The following RASAL2 variants were observed in gnomAD, a reference collection of about 807,000 sequenced individuals.
RASAL2 encodes the protein RAS protein activator like 2, also known as ras GTPase-activating protein nGAP.
A neutral mutation model predicts 128.9 loss-of-function variants in RASAL2; 58 were observed. The observed-to-expected ratio is 0.45, with a 90% confidence interval of 0.36 to 0.56. The LOEUF (loss-of-function observed/expected upper bound fraction) is 0.56, where lower values mean the gene tolerates loss of function less well. Ranked by LOEUF, RASAL2 falls within the 20% of genes least tolerant of loss-of-function variation. The pLI, the probability that RASAL2 is intolerant of heterozygous loss-of-function variation, is 0.00. For synonymous variants in RASAL2, 561 were observed against 580.8 expected, an observed-to-expected ratio of 0.97 and a Z score of 0.49; for missense variants, 1,360 against 1,601.6, an observed-to-expected ratio of 0.85 and a Z score of 2.57.
chr1:178,190,799 A>G lies in RASAL2; in HGVS notation c.203-92765A>G, dbSNP rs564393296. 1.6e-4 allele frequency among the ~76,000 whole-genome samples: 25 copies of G among 151,920 alleles called. No individual in the cohort carries two copies. In the East Asian group the frequency reaches 4.6e-3, roughly 28 times the overall value. On this transcript the variant is annotated intron_variant, in intron 1 of 17. Coordinates refer to ENST00000367649, the MANE Select transcript of RASAL2 (RefSeq NM_170692.4). The stretch of plus-strand genomic sequence containing the variant: ...ACAGTCACTGTGAGTTGTCCATTTT[A>G]GAGCATAGGTTTTTAGGTGGTGAAG...
chr1:178,230,802 A>G (rs1268246768), intron 1 of RASAL2, among the ~76,000 whole-genome samples: 1 of 152,142 alleles, frequency 6.6e-6, no homozygotes, highest in African/African-American at 2.4e-5. Context: ...TCATGGACTT[A>G]GGGTTTTATA....
At chr1:178,159,058 A>G (rs1661183479) in intron 1 of RASAL2, among the ~76,000 whole-genome samples, 1 of 152,232 alleles carries the variant, frequency 6.6e-6, no homozygotes, top group Admixed American at 6.5e-5. Context: ...CCAATAAAGT[A>G]AAATATAACT....
chr1:178,322,543 A>G (rs910929739), intron 3 of RASAL2, among the ~76,000 whole-genome samples: 1 of 152,126 alleles, frequency 6.6e-6, no homozygotes, highest in African/African-American at 2.4e-5. Flanking sequence ...TCCCTCCCCA[A>G]CAACCTGTTC....
At chr1:178,302,376 CAAAA>C (rs1020189126) in intron 3 of RASAL2, among the ~76,000 whole-genome samples, 2 of 151,288 alleles carry the variant, frequency 1.3e-5, no homozygotes, top group Admixed American at 1.3e-4. Context: ...AAACAGGAAA[CAAAA>C]AAAATTAAAT....
In RASAL2 at chr1:178,430,778, A is replaced by T. The variant is rs142108501; in HGVS notation, c.675-8644A>T. On this transcript the variant is annotated intron_variant, in intron 5 of 17. Transcript: ENST00000367649. The stretch of plus-strand genomic sequence containing the variant: ...CATGGCTAATAAGTGGTTCTAGCTG[A>T]TGTGAATATGTAGGGCTTTTGGCTT... Among the ~76,000 whole-genome samples, 74 of 152,158 alleles carry T rather than the reference A, an allele frequency of 4.9e-4. 1 individual carries two copies. The Middle Eastern group carries it at 0.017, about 35-fold the overall frequency.
At chr1:178,149,614 A>T (rs1660842871) in intron 1 of RASAL2, among the ~76,000 whole-genome samples, 1 of 151,856 alleles carries the variant, frequency 6.6e-6, no homozygotes, top group Admixed American at 6.6e-5. Flanking sequence ...CAGAGTCCAC[A>T]TCTTCTTTGT....
chr1:178,348,488 G>A (rs567663657), intron 3 of RASAL2, among the ~76,000 whole-genome samples: 93 of 152,004 alleles, frequency 6.1e-4, no homozygotes, highest in Non-Finnish European at 1.1e-3. Flanking sequence ...TTGTAAAGAT[G>A]GGGTCTTGCT....
chr1:178,232,195 C>G (rs1664038399), intron 1 of RASAL2, among the ~76,000 whole-genome samples: 1 of 152,196 alleles, frequency 6.6e-6, no homozygotes. Context: ...CCATTTGAAA[C>G]CCCTATTTTC....
At chr1:178,393,278 A>G (rs1047456472) in intron 4 of RASAL2, among the ~76,000 whole-genome samples, 2 of 152,132 alleles carry the variant, frequency 1.3e-5, no homozygotes, top group African/African-American at 2.4e-5. Context: ...TAATTATGCA[A>G]CTCACCATAA....
intron 3 of RASAL2, among the ~76,000 whole-genome samples, chr1:178,310,700 G>A (rs1346138574): frequency 6.6e-6 from 1 of 152,138 alleles, no homozygotes; most frequent in Non-Finnish European, 1.5e-5. Flanking sequence ...TTTTAGCACA[G>A]TGGAGATTTG....
intron 1 of RASAL2, among the ~76,000 whole-genome samples, chr1:178,169,641 T>C (rs1661637735): frequency 1.3e-5 from 2 of 152,024 alleles, no homozygotes; most frequent in Non-Finnish European, 2.9e-5. Flanking sequence ...TTCACAGTTT[T>C]CAAGTTTGTA....
chr1:178,331,785 C>T (rs1012351249), intron 3 of RASAL2, among the ~76,000 whole-genome samples: 2 of 151,994 alleles, frequency 1.3e-5, no homozygotes, highest in Admixed American at 6.6e-5. Context: ...GACGGGGTTT[C>T]ACTATGTTGG....
chr1:178,312,804 A>G (rs906034028), intron 3 of RASAL2, among the ~76,000 whole-genome samples: 1 of 152,234 alleles, frequency 6.6e-6, no homozygotes, highest in African/African-American at 2.4e-5. Flanking sequence ...TAGATATCTA[A>G]GCAAATGAAT....
chr1:178,324,382 G>C (rs975886406), intron 3 of RASAL2, among the ~76,000 whole-genome samples: 2 of 151,284 alleles, frequency 1.3e-5, no homozygotes, highest in African/African-American at 4.9e-5. Flanking sequence ...CTGCACTCCA[G>C]CCTGGGTGAC....
At chr1:178,237,829 T>G (rs1020986991) in intron 1 of RASAL2, among the ~76,000 whole-genome samples, 5 of 152,176 alleles carry the variant, frequency 3.3e-5, no homozygotes, top group Non-Finnish European at 1.5e-5. Flanking sequence ...ATCTCCAGAC[T>G]ATTTTATCTT....
chr1:178,367,192 T>A (rs1671447695), intron 3 of RASAL2, among the ~76,000 whole-genome samples: 1 of 152,192 alleles, frequency 6.6e-6, no homozygotes, highest in African/African-American at 2.4e-5. Flanking sequence ...TTCCTATTAC[T>A]CCACAGTCTG....
chr1:178,132,995 C>T lies in RASAL2; in HGVS notation c.202+38301C>T, dbSNP rs149263444. On this transcript the variant is annotated intron_variant, in intron 1 of 17. Coordinates refer to ENST00000367649, the MANE Select transcript of RASAL2 (RefSeq NM_170692.4). ...AGCCAGGCTGGTCTCAAACTTCTGACCTCAGGTGATCCACCCGCCTCGGCC... is the reference window on the plus strand; with the variant it reads ...AGCCAGGCTGGTCTCAAACTTCTGATCTCAGGTGATCCACCCGCCTCGGCC... Among the ~76,000 whole-genome samples, 768 of 152,090 alleles carry T rather than the reference C, an allele frequency of 5.0e-3. 15 individuals carry two copies. Among genetic ancestry groups the T allele is most frequent in the African/African-American group, 0.018 (739 of 41,480 alleles).
intron 14 of RASAL2, among the ~76,000 whole-genome samples, chr1:178,460,391 T>C (rs1678101866): frequency 6.6e-6 from 1 of 152,186 alleles, no homozygotes; most frequent in South Asian, 2.1e-4. Context: ...ATAAATTAAA[T>C]AGCCTTTTTT....
chr1:178,213,434 C>A (rs1663321748), intron 1 of RASAL2, among the ~76,000 whole-genome samples: 1 of 151,988 alleles, frequency 6.6e-6, no homozygotes, highest in Admixed American at 6.6e-5. Context: ...AGACATCTAC[C>A]AAAAGTCTGT....
Sources: allele counts gnomAD v4.1 joint callset (sites outside exome capture counted in the v4.1 genomes callset), GRCh38; gene constraint gnomAD v4.1.1; transcripts MANE v1.5; gene names NCBI Gene and HGNC (gene_info 2026-07-23, HGNC 2026-07-21).